The following GMDS variants were observed in gnomAD, a reference collection of about 807,000 sequenced individuals.
GMDS encodes the protein GDP-mannose 4,6 dehydratase.
GMDS carries 20 observed loss-of-function variants against 49.9 expected under a neutral mutation model. The ratio of observed to expected loss-of-function variants is 0.40; its 90% CI spans 0.28 to 0.58. The LOEUF (loss-of-function observed/expected upper bound fraction) is 0.58, where lower values mean the gene tolerates loss of function less well. Ranked by LOEUF, GMDS falls within the 20% of genes least tolerant of loss-of-function variation. The pLI is 0.42. For synonymous variants in GMDS, 177 were observed against 178.6 expected, an observed-to-expected ratio of 0.99 and a Z score of 0.07; for missense variants, 362 against 481.4, an observed-to-expected ratio of 0.75 and a Z score of 2.32.
At chr6:1,746,778 T>C (rs1312448323) in intron 7 of GMDS, among the ~76,000 whole-genome samples, 1 of 152,104 alleles carries the variant, frequency 6.6e-6, no homozygotes, top group African/African-American at 2.4e-5. Context: ...CTCGGCTCAC[T>C]GCAACCTCCG....
chr6:1,999,935 T>TATAATATATAATATGTATATA (rs1766571993), intron 4 of GMDS, among the ~76,000 whole-genome samples: 1 of 74,784 alleles, frequency 1.3e-5, no homozygotes, highest in Non-Finnish European at 2.5e-5. Flanking sequence ...TATATATTAT[T>TATAATATATAATATGTATATA]ATATATAATA....
At chr6:1,968,100 T>C (rs1463252165) in intron 4 of GMDS, among the ~76,000 whole-genome samples, 1 of 152,232 alleles carries the variant, frequency 6.6e-6, no homozygotes, top group Non-Finnish European at 1.5e-5. Flanking sequence ...GAAGCCCTTT[T>C]ACCCCTCCAA....
intron 9 of GMDS, among the ~76,000 whole-genome samples, chr6:1,692,540 A>T (rs1365437718): frequency 5.3e-5 from 8 of 152,334 alleles, no homozygotes; most frequent in Middle Eastern, 6.8e-3. Context: ...ACACACATAC[A>T]TTAGGGCATT....
At chr6:1,664,037 T>C (rs546895042) in intron 9 of GMDS, among the ~76,000 whole-genome samples, 1 of 152,324 alleles carries the variant, frequency 6.6e-6, no homozygotes, top group South Asian at 2.1e-4. Context: ...CTTACATTTA[T>C]TTCAACAAAT....
At chr6:2,067,691 T>C (rs2127455284) in intron 4 of GMDS, among the ~76,000 whole-genome samples, 1 of 152,198 alleles carries the variant, frequency 6.6e-6, no homozygotes, top group Admixed American at 6.5e-5. Context: ...CCTCGACACA[T>C]ACACTCTCCC....
intron 8 of GMDS, among the ~76,000 whole-genome samples, chr6:1,726,925 T>C (rs1766613009): frequency 1.3e-5 from 2 of 152,018 alleles, no homozygotes; most frequent in South Asian, 4.1e-4. Context: ...CCTTTTTTTT[T>C]CTTTCTTTTG....
intron 7 of GMDS, among the ~76,000 whole-genome samples, chr6:1,870,487 C>A (rs1049307032): frequency 6.6e-6 from 1 of 152,130 alleles, no homozygotes; most frequent in Non-Finnish European, 1.5e-5. Flanking sequence ...ACACCAAGCA[C>A]AGCTGCAAAA....
chr6:2,074,346 A>G (rs948724059), intron 4 of GMDS, among the ~76,000 whole-genome samples: 4 of 152,124 alleles, frequency 2.6e-5, no homozygotes, highest in South Asian at 4.1e-4. Flanking sequence ...GGCTTTGCCT[A>G]CTTTTCAATG....
intron 1 of GMDS, among the ~76,000 whole-genome samples, chr6:2,234,302 T>C (rs570184693): frequency 3.9e-5 from 6 of 152,238 alleles, no homozygotes; most frequent in Admixed American, 3.9e-4. Flanking sequence ...AAATAAAATA[T>C]GCAGATTTCT....
Position 1,808,904 on chromosome 6 carries a change from CTGTG to C in GMDS, c.772-66322_772-66319del, listed in dbSNP as rs35317273. Among the ~76,000 whole-genome samples, 121 of 149,400 alleles carry C rather than the reference CTGTG, an allele frequency of 8.1e-4. 1 individual carries two copies. In the South Asian group the frequency reaches 0.012, roughly 14 times the overall value. On this transcript the variant is annotated intron_variant, in intron 7 of 10. Transcript: ENST00000380815. Reference sequence around the variant, plus strand: ...TTCTTTGCACTAGTGCATGCTCTCTCTGTGTGTGTGTGTGTGTGTGTGTACACCT... The same window carrying C: ...TTCTTTGCACTAGTGCATGCTCTCTCTGTGTGTGTGTGTGTGTGTACACCT...
At chr6:1,722,714 A>G (rs918727507) in intron 9 of GMDS, among the ~76,000 whole-genome samples, 4 of 152,230 alleles carry the variant, frequency 2.6e-5, no homozygotes, top group African/African-American at 9.6e-5. Context: ...ATAGGTTTCA[A>G]ACTCAGGCAG....
At chr6:1,754,830 C>G (rs958407478) in intron 7 of GMDS, among the ~76,000 whole-genome samples, 6 of 152,168 alleles carry the variant, frequency 3.9e-5, no homozygotes, top group South Asian at 2.1e-4. Context: ...AATCAACACC[C>G]CTTCATGCTA....
chr6:1,756,894 T>A (rs1767972043), intron 7 of GMDS, among the ~76,000 whole-genome samples: 1 of 152,196 alleles, frequency 6.6e-6, no homozygotes. Context: ...GTTCACTTCC[T>A]CCGCACGCAT....
chr6:2,176,708 C>T (rs550208582), intron 1 of GMDS, among the ~76,000 whole-genome samples: 47 of 152,264 alleles, frequency 3.1e-4, no homozygotes, highest in African/African-American at 1.1e-3. Context: ...CACACTCCCT[C>T]TCAGAAACTC....
chr6:1,848,436 G>A (rs1757512362), intron 7 of GMDS, among the ~76,000 whole-genome samples: 1 of 151,998 alleles, frequency 6.6e-6, no homozygotes, highest in Admixed American at 6.5e-5. Flanking sequence ...TGCCTTTAAA[G>A]CAAAAAGCAC....
At chr6:1,632,279 G>A (rs1763023558) in intron 9 of GMDS, among the ~76,000 whole-genome samples, 1 of 152,144 alleles carries the variant, frequency 6.6e-6, no homozygotes, top group Admixed American at 6.5e-5. Flanking sequence ...AGTAATAGAT[G>A]GTATCAACAC....
intron 6 of GMDS, among the ~76,000 whole-genome samples, chr6:1,955,546 T>C (rs1472911471): frequency 2.6e-5 from 4 of 152,206 alleles, no homozygotes; most frequent in African/African-American, 4.8e-5. Context: ...AGCAAGTCTA[T>C]AGCACAAGTG....
intron 7 of GMDS, among the ~76,000 whole-genome samples, chr6:1,787,200 TA>T (rs908643380): frequency 1.3e-5 from 2 of 152,090 alleles, no homozygotes; most frequent in Non-Finnish European, 2.9e-5. Flanking sequence ...CTAGTAGCAA[TA>T]AAAATAATAA....
intron 1 of GMDS, among the ~76,000 whole-genome samples, chr6:2,231,005 C>T (rs1231151662): frequency 7.3e-6 from 1 of 136,658 alleles, no homozygotes; most frequent in Non-Finnish European, 1.5e-5. Flanking sequence ...TAGCAGGATG[C>T]CTAAGTCAAC....
Sources: gnomAD v4.1 joint callset for allele counts (sites outside exome capture counted in the v4.1 genomes callset) on GRCh38, gnomAD v4.1.1 for gene constraint, MANE v1.5 for transcripts, NCBI Gene and HGNC (gene_info 2026-07-23, HGNC 2026-07-21) for gene names.